Variants in CDNF observed in about 807,000 individuals in gnomAD.
CDNF encodes the protein ARMET-like protein 1.
CDNF carries 9 observed loss-of-function variants against 14.8 expected under a neutral mutation model. The ratio of observed to expected loss-of-function variants is 0.61; its 90% confidence interval spans 0.37 to 1.06. The LOEUF (loss-of-function observed/expected upper bound fraction) is 1.06. Among genes scored for constraint, CDNF ranks in the 50% least tolerant of loss-of-function variants. The probability of loss-of-function intolerance (pLI) is 0.01; values close to 1 mark genes in which losing one functional copy is unlikely to be tolerated. For synonymous variants in CDNF, 86 were observed against 87.2 expected (o/e 0.99, Z 0.07); for missense variants, 228 against 228.4 (o/e 1.00, Z 0.01).
At chr10:14,837,005 C>T (rs1833896027) in intron 1 of CDNF, among the ~76,000 whole-genome samples, 1 of 152,180 alleles carries the variant, frequency 6.6e-6, no homozygotes, top group African/African-American at 2.4e-5. Context: ...CCCATCCATT[C>T]ACTCAACATA....
intron 1 of CDNF, among the ~76,000 whole-genome samples, chr10:14,834,674 C>G (rs1833872132): frequency 6.6e-6 from 1 of 152,154 alleles, no homozygotes; most frequent in African/African-American, 2.4e-5. Flanking sequence ...AGCTGCTGGA[C>G]ATGAGGTGGT....
Position 14,820,026 on chromosome 10 carries a change from T to C in CDNF, c.518A>G (p.Glu173Gly). ...EKTDYVNLIQ[E>G]LAPKYAATHP... ...TGTCGCTGCATACTTGGGGGCCAGC[T>C]CTTGAATGAGATTCACATAGTCAGT... The change falls in exon 4 of 4, where the codon GAG (glutamate) becomes GGG (glycine). Residue 173 changes from glutamate (E) to glycine (G), a missense_variant. By Grantham distance (98) the Glu-to-Gly change is moderately conservative. Transcript: ENST00000465530. The C allele has an allele frequency of 6.2e-7, 1 of 1,614,088 alleles. No individual in the cohort carries two copies. Among genetic ancestry groups the C allele is most frequent in the Non-Finnish European group, 8.5e-7 (1 of 1,180,022 alleles).
intron 2 of CDNF, among the ~76,000 whole-genome samples, chr10:14,826,194 CAGAAGAAGA>C (rs372563801): frequency 9.7e-5 from 11 of 113,338 alleles, no homozygotes; most frequent in African/African-American, 1.9e-4. Flanking sequence ...GCAGAAGCAG[CAGAAGAAGA>C]AGAAGAAGAA....
At chr10:14,837,155 C>T (rs1833898108) in intron 1 of CDNF, among the ~76,000 whole-genome samples, 1 of 152,156 alleles carries the variant, frequency 6.6e-6, no homozygotes, top group Non-Finnish European at 1.5e-5. Flanking sequence ...TAGCCACTTA[C>T]CTTCTTTGCC....
At chr10:14,822,671 G>A (rs1368839846) in intron 3 of CDNF, among the ~76,000 whole-genome samples, 2 of 152,124 alleles carry the variant, frequency 1.3e-5, no homozygotes, top group African/African-American at 2.4e-5. Context: ...ACTAGTGGCA[G>A]CCTAGAATTT....
intron 1 of CDNF, among the ~76,000 whole-genome samples, chr10:14,833,803 G>C (rs1412628223): frequency 2.0e-5 from 3 of 152,142 alleles, no homozygotes; most frequent in Admixed American, 6.5e-5. Context: ...TAGCAATTGG[G>C]AAGATGGAAA....
intron 2 of CDNF, among the ~76,000 whole-genome samples, chr10:14,826,879 T>C (rs1833802384): frequency 6.6e-6 from 1 of 151,834 alleles, no homozygotes; most frequent in African/African-American, 2.4e-5. Flanking sequence ...CATCAGGCAA[T>C]TCTGACATTC....
At chr10:14,832,037 G>A (rs1040090117) in intron 1 of CDNF, among the ~76,000 whole-genome samples, 3 of 152,162 alleles carry the variant, frequency 2.0e-5, no homozygotes, top group African/African-American at 7.2e-5. Flanking sequence ...TTGCCCTTGA[G>A]AGTTACATCC....
intron 3 of CDNF, 72 bp from the exon 4 acceptor site, chr10:14,820,230 G>C: frequency 6.8e-7 from 1 of 1,476,984 alleles, no homozygotes; most frequent in Non-Finnish European, 9.2e-7. Flanking sequence ...CACTTCAAAA[G>C]GCATATAGTT....
At chr10:14,825,404 A>T (rs1833770796) in intron 3 of CDNF, 75 bp downstream of exon 3, 6 of 1,439,220 alleles carry the variant, frequency 4.2e-6, no homozygotes, top group Non-Finnish European at 5.7e-6. Flanking sequence ...CTGAATTTTT[A>T]GAAGACATGG....
chr10:14,838,002 G>T lies in CDNF; in HGVS notation c.-56C>A. Reference sequence around the variant, plus strand: ...ACCCGCGCCCACCGCCCACCAAGCTGCCAAAGCGAGCTGAGCAGAATTCGA... The same window carrying T: ...ACCCGCGCCCACCGCCCACCAAGCTTCCAAAGCGAGCTGAGCAGAATTCGA... On this transcript the variant is annotated 5_prime_UTR_variant, in exon 1 of 4. Transcript: ENST00000465530. The T allele has an allele frequency of 7.7e-7, 1 of 1,303,998 alleles. No individual in the cohort carries two copies. Among genetic ancestry groups the T allele is most frequent in the Non-Finnish European group, 1.1e-6 (1 of 929,554 alleles). 80.8% of individuals were successfully genotyped at this position (1,303,998 alleles called of 1,614,324 possible).
At chr10:14,826,479 GAAA>G (rs1833796716) in intron 2 of CDNF, among the ~76,000 whole-genome samples, 2 of 117,364 alleles carry the variant, frequency 1.7e-5, no homozygotes, top group African/African-American at 4.8e-5. Flanking sequence ...AGAAGAAGAA[GAAA>G]AAGAAGAAGA....
At chr10:14,829,977 GTTTC>G (rs1833831811) in intron 1 of CDNF, among the ~76,000 whole-genome samples, 1 of 151,954 alleles carries the variant, frequency 6.6e-6, no homozygotes, top group Non-Finnish European at 1.5e-5. Flanking sequence ...CTGGTGCCTC[GTTTC>G]TTTGTGTGCT....
intron 3 of CDNF, among the ~76,000 whole-genome samples, chr10:14,824,959 A>ATT (rs34069430): frequency 6.9e-6 from 1 of 145,522 alleles, no homozygotes; most frequent in African/African-American, 2.5e-5. Flanking sequence ...TTCAGTGGCA[A>ATT]TTTTTTTTTT....
rs543228026 is a variant in CDNF, at chr10:14,820,486, G to A, written c.386-328C>T. 2.0e-5 allele frequency among the ~76,000 whole-genome samples: 3 copies of A among 152,226 alleles called. No individual in the cohort carries two copies. The South Asian group carries it at 6.2e-4, about 32-fold the overall frequency. ...TCATGCCTGTAATCTCAGCACTTTG[G>A]GAGGCTGAGGCGGGAGGATTGCCTG... is the stretch of plus-strand genomic sequence containing the variant. On this transcript the variant is annotated intron_variant, in intron 3 of 3. Coordinates refer to ENST00000465530, the MANE Select transcript of CDNF (RefSeq NM_001029954.3).
rs201887135 is a variant in CDNF at position 14,826,035 on chromosome 10, A to C, written c.244-415T>G. 6.1e-3 allele frequency among the ~76,000 whole-genome samples: 349 copies of C among 56,882 alleles called. 14 individuals carry two copies. The highest frequency in any genetic ancestry group is 0.019 in the African/African-American group (290 of 15,248). 37.3% of individuals were successfully genotyped at this position (56,882 alleles called of 152,430 possible). A position where few individuals can be genotyped will look rare whatever the true frequency, so the allele number is the denominator to read the frequency against. ...GAAGCAGAAGAAGAAGAAGGAGAAG[A>C]AGAAGAAGAAGAAGAAGAAGAAGAA... On this transcript the variant is annotated intron_variant, in intron 2 of 3. Coordinates refer to ENST00000465530, the MANE Select transcript of CDNF (RefSeq NM_001029954.3).
chr10:14,827,801 A>T (rs569920142), intron 2 of CDNF, among the ~76,000 whole-genome samples: 280 of 152,328 alleles, frequency 1.8e-3, no homozygotes, highest in Non-Finnish European at 2.7e-3. Flanking sequence ...CTAAGGCACA[A>T]GAATGCTTTG....
intron 1 of CDNF, among the ~76,000 whole-genome samples, chr10:14,831,197 A>G (rs934274501): frequency 6.6e-6 from 1 of 152,034 alleles, no homozygotes; most frequent in Non-Finnish European, 1.5e-5. Context: ...TCACTCTCCT[A>G]ACTTGGAAAT....
At chr10:14,834,936 G>A (rs1833874641) in intron 1 of CDNF, among the ~76,000 whole-genome samples, 1 of 152,180 alleles carries the variant, frequency 6.6e-6, no homozygotes, top group Admixed American at 6.5e-5. Flanking sequence ...CTTGAGTAAG[G>A]AGAAAGGAGC....
Sources: allele counts gnomAD v4.1 joint callset (sites outside exome capture counted in the v4.1 genomes callset), GRCh38; gene constraint gnomAD v4.1.1; transcripts MANE v1.5; gene names NCBI Gene and HGNC (gene_info 2026-07-23, HGNC 2026-07-21).